Variants in TMEM132B observed in about 807,000 individuals in gnomAD.
TMEM132B encodes the protein transmembrane protein 132B.
In TMEM132B, 18 loss-of-function variants were observed where a neutral mutation model predicts 90.8. The observed-to-expected ratio is 0.20, with a 90% CI of 0.14 to 0.29. TMEM132B has a LOEUF of 0.29. TMEM132B is among the 10% of genes least tolerant of loss of function. The pLI is 1.00. For synonymous variants in TMEM132B, 504 were observed against 523.3 expected (o/e 0.96, Z 0.50); for missense variants, 1,096 against 1,326.8 (o/e 0.83, Z 2.70).
chr12:125,643,979 A>G, intron 5 of TMEM132B, 97 bp from the exon 6 acceptor site: 1 of 1,106,790 alleles, frequency 9.0e-7, no homozygotes, highest in East Asian at 2.4e-5. Flanking sequence ...GTGTCTAATA[A>G]ATCAGAGCTG....
At position 125,246,184 on chromosome 12, in the gene TMEM132B, A is replaced by G. The variant is rs1021266024; in HGVS notation, c.67+59318A>G. On this transcript the variant is annotated intron_variant, in intron 1 of 8. Coordinates refer to ENST00000682704, the MANE Select transcript of TMEM132B (RefSeq NM_001366854.1). This position sits in a 1 kb window ranked among gnomAD's most constrained non-coding sequence, Gnocchi z 4.2. ...AGTGATAGCTCTCAGTATTGACTGG[A>G]CTGGAGGTCGCTCTGTGCCGAGGAG... is the stretch of plus-strand genomic sequence containing the variant. 4.6e-5 allele frequency among the ~76,000 whole-genome samples: 7 copies of G among 152,128 alleles called. No individual in the cohort carries two copies. The highest frequency in any genetic ancestry group is 1.4e-4 in the African/African-American group (6 of 41,422).
intron 3 of TMEM132B, among the ~76,000 whole-genome samples, chr12:125,485,653 T>G (rs1882181920): frequency 6.6e-6 from 1 of 152,202 alleles, no homozygotes; most frequent in East Asian, 1.9e-4. Context: ...TATCTCATTT[T>G]AGAGCTCTTT....
intron 5 of TMEM132B, chr12:125,587,200 T>C (rs1221978886): frequency 4.9e-5 from 3 of 61,396 alleles, no homozygotes; most frequent in Admixed American, 2.1e-4. Context: ...AAAAAACAAG[T>C]AGAGGATTGT....
At chr12:125,232,070 C>T (rs11058088) in intron 1 of TMEM132B, among the ~76,000 whole-genome samples, 6,247 of 152,230 alleles carry the variant, frequency 0.041, 144 homozygotes, top group Non-Finnish European at 0.048. Context: ...TAGAACTTTA[C>T]ACACTTACGC....
At chr12:125,295,482 G>C (rs1353199807) in intron 1 of TMEM132B, among the ~76,000 whole-genome samples, 1 of 150,352 alleles carries the variant, frequency 6.7e-6, no homozygotes. Context: ...TAGGCCGGCT[G>C]TCTCTCCTCC....
chr12:125,526,014 A>G (rs755047695), intron 4 of TMEM132B, among the ~76,000 whole-genome samples: 3 of 152,186 alleles, frequency 2.0e-5, no homozygotes, highest in Non-Finnish European at 4.4e-5. Context: ...TCTGTCCCTG[A>G]GCGTGACTGT....
chr12:125,475,358 C>T (rs912411614), intron 3 of TMEM132B, among the ~76,000 whole-genome samples: 1 of 152,056 alleles, frequency 6.6e-6, no homozygotes, highest in Admixed American at 6.6e-5. Context: ...AGAAAATAGG[C>T]TTGTGATGGT....
intron 1 of TMEM132B, among the ~76,000 whole-genome samples, chr12:125,318,673 C>T (rs1459551337): frequency 1.3e-5 from 2 of 152,188 alleles, no homozygotes; most frequent in African/African-American, 2.4e-5. Context: ...CAGCTCCATC[C>T]ATATCCCTGC....
At chr12:125,387,105 A>G (rs1044265445) in intron 2 of TMEM132B, among the ~76,000 whole-genome samples, 11 of 136,204 alleles carry the variant, frequency 8.1e-5, no homozygotes, top group African/African-American at 3.0e-4. Context: ...CCAGACAGAA[A>G]GAAGTCTTCT....
At chr12:125,417,232 C>G (rs1880041798) in intron 3 of TMEM132B, among the ~76,000 whole-genome samples, 1 of 152,184 alleles carries the variant, frequency 6.6e-6, no homozygotes, top group South Asian at 2.1e-4. Context: ...CGGGGGGTCT[C>G]TCCTCATGTG....
chr12:125,519,060 C>A (rs530998382), intron 3 of TMEM132B, among the ~76,000 whole-genome samples: 2 of 152,320 alleles, frequency 1.3e-5, no homozygotes, highest in Middle Eastern at 6.8e-3. Context: ...ATTGGAAGAG[C>A]AGTGAAGCTA....
chr12:125,226,020 T>G lies in TMEM132B; in HGVS notation c.67+39154T>G, dbSNP rs568705527. ...CTACAAATTCCATTTTACCCTCTGATGGACATTTGCACTATTTCTAGTCTT... is the reference window on the plus strand; with the variant it reads ...CTACAAATTCCATTTTACCCTCTGAGGGACATTTGCACTATTTCTAGTCTT... On this transcript the variant is annotated intron_variant, in intron 1 of 8. Coordinates refer to ENST00000682704, the MANE Select transcript of TMEM132B (RefSeq NM_001366854.1). Among the ~76,000 whole-genome samples, 3 of 152,380 alleles carry G rather than the reference T, an allele frequency of 2.0e-5. 1 individual carries two copies. The highest frequency in any genetic ancestry group is 4.8e-5 in the African/African-American group (2 of 41,596).
chr12:125,357,830 A>G (rs1402468984), intron 2 of TMEM132B, among the ~76,000 whole-genome samples: 1 of 152,216 alleles, frequency 6.6e-6, no homozygotes, highest in African/African-American at 2.4e-5. Flanking sequence ...CCCAGGACTC[A>G]TGTCACGCCC....
At chr12:125,598,448 G>A (rs574682989) in intron 5 of TMEM132B, among the ~76,000 whole-genome samples, 15 of 152,250 alleles carry the variant, frequency 9.9e-5, no homozygotes, top group African/African-American at 1.2e-4. Flanking sequence ...CACTGAGGAA[G>A]GGTCTTTCAG....
chr12:125,316,234 C>G (rs1358532300), intron 1 of TMEM132B, among the ~76,000 whole-genome samples: 2 of 152,208 alleles, frequency 1.3e-5, no homozygotes, highest in Admixed American at 6.5e-5. Flanking sequence ...AATCTAATTC[C>G]TCCTCTACAG....
At chr12:125,517,327 ATTTTTTTTTTTTTTTTTTTTTTTT>A (rs56147854) in intron 3 of TMEM132B, among the ~76,000 whole-genome samples, 6 of 28,424 alleles carry the variant, frequency 2.1e-4, no homozygotes, top group Non-Finnish European at 4.4e-4. Context: ...TGCCCTGCTG[ATTTTTTTTTTTTTTTTTTTTTTTT>A]TTTTTTTTTT....
intron 1 of TMEM132B, among the ~76,000 whole-genome samples, chr12:125,322,005 T>C (rs1340886534): frequency 6.6e-6 from 1 of 152,162 alleles, no homozygotes; most frequent in Admixed American, 6.5e-5. Flanking sequence ...TATAATAACA[T>C]GGGTGACTTA....
At chr12:125,432,542 G>T (rs1166076518) in intron 3 of TMEM132B, among the ~76,000 whole-genome samples, 56 of 111,456 alleles carry the variant, frequency 5.0e-4, no homozygotes, top group Non-Finnish European at 6.7e-4. Flanking sequence ...GAGAGAGAGA[G>T]AGAGAGAGAG....
intron 3 of TMEM132B, among the ~76,000 whole-genome samples, chr12:125,433,532 T>A (rs2952104): frequency 2.2e-4 from 32 of 142,722 alleles, no homozygotes; most frequent in Non-Finnish European, 1.1e-4. Context: ...TCTTTTTTTT[T>A]ATTATACTTT....
Sources: gnomAD v4.1 joint callset for allele counts (sites outside exome capture counted in the v4.1 genomes callset) on GRCh38, gnomAD v4.1.1 for gene constraint, Gnocchi (gnomAD v3.1) non-coding constraint, MANE v1.5 for transcripts, NCBI Gene and HGNC (gene_info 2026-07-23, HGNC 2026-07-21) for gene names.